The following ZBED4 variants were observed in gnomAD, a reference collection of about 807,000 sequenced individuals.
The protein encoded by ZBED4 is zinc finger BED domain-containing protein 4.
ZBED4 carries 4 observed loss-of-function variants against 15.5 expected under a neutral mutation model. That is an observed-to-expected ratio of 0.26 (90% CI 0.13 to 0.59). The LOEUF (loss-of-function observed/expected upper bound fraction) is 0.59. Among genes scored for constraint, ZBED4 ranks in the 20% least tolerant of loss-of-function variants. The probability of loss-of-function intolerance (pLI) is 0.90; values close to 1 mark genes in which losing one functional copy is unlikely to be tolerated. For missense variants in ZBED4, 1,323 were observed against 1,461.8 expected, an observed-to-expected ratio of 0.91 and a Z score of 1.55; for synonymous variants, 692 against 608.5, an observed-to-expected ratio of 1.14 and a Z score of -2.02.
At chr22:49,863,661 G>A (rs1252645983) in intron 1 of ZBED4, among the ~76,000 whole-genome samples, 1 of 151,788 alleles carries the variant, frequency 6.6e-6, no homozygotes. Flanking sequence ...TTCTGGCTGA[G>A]TTATTGCTTC....
upstream of ZBED4, chr22:49,853,111 C>T (rs574657683): frequency 1.3e-5 from 2 of 152,426 alleles, no homozygotes; most frequent in South Asian, 2.1e-4. Flanking sequence ...CGGGGGACCT[C>T]GGGGCCACAT....
chr22:49,884,458 C>T lies in ZBED4; in HGVS notation c.796C>T (p.Pro266Ser). 1 of 1,614,198 alleles carries T rather than the reference C, an allele frequency of 6.2e-7. No homozygotes were observed. The highest frequency in any genetic ancestry group is 8.5e-7 in the Non-Finnish European group (1 of 1,180,046). ...CCTCCCTGCTCTCCATTACGATGAACCTGCAGAGAACTTAGCGGAGAAGAG... is the reference window on the plus strand; with the variant it reads ...CCTCCCTGCTCTCCATTACGATGAATCTGCAGAGAACTTAGCGGAGAAGAG... ...PHLPALHYDEPAENLAEKSLP... is the reference protein window; with the variant it reads ...PHLPALHYDESAENLAEKSLP... The change falls in exon 2 of 2, where the codon CCT becomes TCT. Residue 266 changes from proline to serine, a missense_variant. Coordinates refer to ENST00000216268, the MANE Select transcript of ZBED4 (RefSeq NM_014838.3).
At chr22:49,855,218 T>C (rs2060269880) in intron 1 of ZBED4, among the ~76,000 whole-genome samples, 1 of 152,006 alleles carries the variant, frequency 6.6e-6, no homozygotes, top group African/African-American at 2.4e-5. Context: ...CTAGCACAAG[T>C]TAAGAGAGAT....
chr22:49,876,385 C>T (rs910716004), intron 1 of ZBED4, among the ~76,000 whole-genome samples: 6 of 152,060 alleles, frequency 3.9e-5, no homozygotes, highest in Admixed American at 6.6e-5. Context: ...AATCTCCATC[C>T]GTGATGGTGA....
At position 49,885,257 on chromosome 22, in the gene ZBED4, A is replaced by G. The variant is rs368514449; in HGVS notation, c.1595A>G (p.Glu532Gly). 306 of 1,601,058 alleles carry G rather than the reference A, an allele frequency of 1.9e-4. No homozygotes were observed. The highest frequency in any genetic ancestry group is 2.5e-4 in the Non-Finnish European group (295 of 1,172,062). The change falls in exon 2 of 2, where the codon GAA becomes GGA. Residue 532 changes from glutamate (E) to glycine (G), a missense_variant. By Grantham distance (98) the Glu-to-Gly change is moderately conservative (BLOSUM62 -2). Coordinates refer to ENST00000216268, the MANE Select transcript of ZBED4 (RefSeq NM_014838.3). ...NSPYATLASA[E>G]SSSSKLTDLP... Reference sequence around the variant, plus strand: ...CCGTATGCCACTTTGGCCTCTGCAGAAAGTTCCTCTTCCAAATTGACTGAC... The same window carrying G: ...CCGTATGCCACTTTGGCCTCTGCAGGAAGTTCCTCTTCCAAATTGACTGAC...
chr22:49,855,934 C>G (rs922761517), intron 1 of ZBED4, among the ~76,000 whole-genome samples: 3 of 152,210 alleles, frequency 2.0e-5, no homozygotes, highest in African/African-American at 7.2e-5. Context: ...AGTCACTGTG[C>G]CTTTAGCCCG....
At position 49,886,511 on chromosome 22, in the gene ZBED4, A is replaced by G. The variant is rs954512709; in HGVS notation, c.2849A>G (p.Gln950Arg). 1 of 1,569,402 alleles carries G rather than the reference A, an allele frequency of 6.4e-7. No homozygotes were observed. Among genetic ancestry groups the G allele is most frequent in the Non-Finnish European group, 8.6e-7 (1 of 1,156,610 alleles). The change falls in exon 2 of 2, where the codon CAG becomes CGG. Residue 950 changes from glutamine (Q) to arginine (R), a missense_variant. Gln to Arg is a conservative substitution (Grantham distance 43). Around this residue, in one of 6 missense-constraint regions of ZBED4, gnomAD observed 312 missense variants for 410.7 expected, o/e 0.76. Coordinates refer to ENST00000216268, the MANE Select transcript of ZBED4 (RefSeq NM_014838.3). This position sits in a 1 kb window ranked among gnomAD's most constrained non-coding sequence, Gnocchi z 7.7. ...GCTGCGAGCCGGGAGATGAGCACGC[A>G]GATGTCCACCCTCAGCCAGGTCATC... ...FEAASREMST[Q>R]MSTLSQVIPM...
chr22:49,856,523 G>A (rs909712888), intron 1 of ZBED4, among the ~76,000 whole-genome samples: 2 of 152,232 alleles, frequency 1.3e-5, no homozygotes, highest in African/African-American at 2.4e-5. Context: ...CGGCATCCCA[G>A]TGCGTACCTC....
At chr22:49,870,267 A>G (rs1233090177) in intron 1 of ZBED4, among the ~76,000 whole-genome samples, 1 of 152,222 alleles carries the variant, frequency 6.6e-6, no homozygotes, top group African/African-American at 2.4e-5. Flanking sequence ...TGCTATTGTA[A>G]ATAGTGCTGT....
At chr22:49,862,277 T>C (rs2060300692) in intron 1 of ZBED4, among the ~76,000 whole-genome samples, 1 of 152,200 alleles carries the variant, frequency 6.6e-6, no homozygotes, top group Admixed American at 6.5e-5. Context: ...TTTCTCTGTC[T>C]TTCTTATTTT....
At position 49,853,883 on chromosome 22, in the gene ZBED4, C is replaced by A. The variant is rs1302829697; in HGVS notation, c.-436C>A. ...CGTCGCGGGCGGCGGGCGGCGGGGC[C>A]GCGGGAGGGGCGCGGGGGCAGACAA... On this transcript the variant is annotated 5_prime_UTR_variant, in exon 1 of 2. Coordinates refer to ENST00000216268, the MANE Select transcript of ZBED4 (RefSeq NM_014838.3). 6.9e-6 allele frequency: 1 copy of A among 144,044 alleles called. No individual in the cohort carries two copies. Among genetic ancestry groups the A allele is most frequent in the Admixed American group, 6.8e-5 (1 of 14,632 alleles). The allele number at this position is 144,044 out of a possible 1,614,324, so 8.9% of individuals were successfully genotyped here. A position where few individuals can be genotyped will look rare whatever the true frequency, so the allele number is the denominator to read the frequency against.
rs2060421084 is a variant in ZBED4, at chr22:49,883,678, A to G, written c.16A>G (p.Lys6Glu). ...ATGGTCAGTCATGGAGAATAACTTG[A>G]AAACTTGTCCCAAAGAGGACGGTGA... Reference protein sequence around the residue: MENNLKTCPKEDGDFV... With the variant: MENNLETCPKEDGDFV... The change falls in exon 2 of 2, where the codon AAA (lysine) becomes GAA (glutamate). Residue 6 changes from lysine (K) to glutamate (E), a missense_variant. Transcript: ENST00000216268. The G allele has an allele frequency of 6.3e-7, 1 of 1,584,478 alleles. No homozygotes were observed. Among genetic ancestry groups the G allele is most frequent in the African/African-American group, 1.3e-5 (1 of 74,124 alleles).
chr22:49,887,181 C>A lies in ZBED4; in HGVS notation c.*3C>A. 1 of 1,600,888 alleles carries A rather than the reference C, an allele frequency of 6.2e-7. No homozygotes were observed. The highest frequency in any genetic ancestry group is 8.5e-7 in the Non-Finnish European group (1 of 1,172,266). ...CCTTAATATACTTTCAGTATTGAAA[C>A]TCACGACGGCACCACTAGGCCAGAG... On this transcript the variant is annotated 3_prime_UTR_variant, in exon 2 of 2. Coordinates refer to ENST00000216268, the MANE Select transcript of ZBED4 (RefSeq NM_014838.3).
At position 49,884,188 on chromosome 22, in the gene ZBED4, G is replaced by A. The variant is rs772779249; in HGVS notation, c.526G>A (p.Val176Met). The A allele has an allele frequency of 1.2e-5, 20 of 1,608,174 alleles. No individual in the cohort carries two copies. The highest frequency in any genetic ancestry group is 4.5e-5 in the East Asian group (2 of 44,812). The part of the protein sequence containing the change: ...PTVLIQENGS[V>M]SAVSSFPSPS... Reference sequence around the variant, plus strand: ...CGTGCTCATTCAGGAAAATGGCAGTGTGTCTGCCGTGTCCTCGTTCCCCTC... The same window carrying A: ...CGTGCTCATTCAGGAAAATGGCAGTATGTCTGCCGTGTCCTCGTTCCCCTC... The change falls in exon 2 of 2, where the codon GTG becomes ATG. Residue 176 changes from valine (V) to methionine (M), a missense_variant. Around this residue, in one of 6 missense-constraint regions of ZBED4, gnomAD observed 380 missense variants for 413.7 expected, o/e 0.92. Coordinates refer to ENST00000216268, the MANE Select transcript of ZBED4 (RefSeq NM_014838.3).
At chr22:49,881,839 ATTTTTTATTTTTC>A (rs1177665744) in intron 1 of ZBED4, among the ~76,000 whole-genome samples, 1 of 151,952 alleles carries the variant, frequency 6.6e-6, no homozygotes, top group African/African-American at 2.4e-5. Context: ...GCCTGTGTTA[ATTTTTTATTTTTC>A]TTTTTTATCT....
At position 49,884,249 on chromosome 22, in the gene ZBED4, C is replaced by T. The variant is rs142948522; in HGVS notation, c.587C>T (p.Ala196Val). The T allele has an allele frequency of 3.4e-5, 55 of 1,603,870 alleles. No homozygotes were observed. In the Middle Eastern group the frequency reaches 1.2e-3, roughly 34 times the overall value. Reference protein sequence around the residue: ...SLLLPPQPADAGDLSTILSPI... With the variant: ...SLLLPPQPADVGDLSTILSPI... ...CTGCTTCCACCACAGCCTGCGGACG[C>T]GGGTGACCTCAGCACCATCCTCTCA... The change falls in exon 2 of 2, where the codon GCG becomes GTG. Residue 196 changes from alanine (A) to valine (V), a missense_variant. This residue lies in a region of ZBED4 where 380 missense variants were observed against 413.7 expected (regional missense o/e 0.92). Transcript: ENST00000216268.
intron 1 of ZBED4, among the ~76,000 whole-genome samples, chr22:49,857,912 A>G (rs996363835): frequency 6.6e-6 from 1 of 152,138 alleles, no homozygotes; most frequent in Non-Finnish European, 1.5e-5. Context: ...GGCGTGCGCC[A>G]CCGTGCCCGG....
At chr22:49,862,037 G>A (rs1391419710) in intron 1 of ZBED4, among the ~76,000 whole-genome samples, 1 of 152,210 alleles carries the variant, frequency 6.6e-6, no homozygotes, top group African/African-American at 2.4e-5. Flanking sequence ...TGCCAGGATG[G>A]TAGGGTGAGA....
At chr22:49,856,356 A>G (rs1334895453) in intron 1 of ZBED4, among the ~76,000 whole-genome samples, 1 of 152,220 alleles carries the variant, frequency 6.6e-6, no homozygotes, top group African/African-American at 2.4e-5. Flanking sequence ...AAGTGCTTCA[A>G]GGAGAAACAC....
Sources: gnomAD v4.1 joint callset for allele counts (sites outside exome capture counted in the v4.1 genomes callset) on GRCh38, gnomAD v4.1.1 for gene constraint, gnomAD v4.1.1 regional missense constraint, Gnocchi (gnomAD v3.1) non-coding constraint, MANE v1.5 for transcripts, NCBI Gene and HGNC (gene_info 2026-07-23, HGNC 2026-07-21) for gene names.